The following PTK2B variants were observed in gnomAD, a reference collection of about 807,000 sequenced individuals.
The protein encoded by PTK2B is protein-tyrosine kinase 2-beta.
Under a neutral mutation model 142.9 loss-of-function variants are expected in PTK2B, and 71 were observed. That is an observed-to-expected ratio of 0.50 (90% CI 0.41 to 0.61). PTK2B has a LOEUF of 0.61. Ranked by LOEUF, PTK2B falls within the 20% of genes least tolerant of loss-of-function variation. The pLI is 0.00. For synonymous variants in PTK2B, 519 were observed against 503.4 expected, an observed-to-expected ratio of 1.03 and a Z score of -0.42; for missense variants, 1,105 against 1,320.4, an observed-to-expected ratio of 0.84 and a Z score of 2.53.
intron 1 of PTK2B, among the ~76,000 whole-genome samples, chr8:27,367,094 C>A (rs947417245): frequency 2.0e-5 from 3 of 152,136 alleles, no homozygotes; most frequent in African/African-American, 7.2e-5. Flanking sequence ...CAGAAATAGC[C>A]AAATAGGACA....
chr8:27,455,389 C>G (rs528422697), intron 30 of PTK2B, among the ~76,000 whole-genome samples: 17 of 152,210 alleles, frequency 1.1e-4, no homozygotes, highest in African/African-American at 3.9e-4. Context: ...CATGGCAAAA[C>G]CATACAAAAA....
At chr8:27,387,225 A>G (rs1016226004) in intron 1 of PTK2B, among the ~76,000 whole-genome samples, 1 of 152,114 alleles carries the variant, frequency 6.6e-6, no homozygotes, top group African/African-American at 2.4e-5. Context: ...CTCTGGTCTT[A>G]TCTCTGCCAC....
upstream of PTK2B, chr8:27,311,170 G>C (rs756434461): frequency 3.1e-6 from 5 of 1,607,126 alleles, no homozygotes; most frequent in African/African-American, 4.0e-5. Flanking sequence ...CGTAGCAGAC[G>C]GCGCAGAGCA....
chr8:27,416,480 A>C (rs1027433417), intron 2 of PTK2B, among the ~76,000 whole-genome samples: 1 of 152,184 alleles, frequency 6.6e-6, no homozygotes, highest in Admixed American at 6.5e-5. Flanking sequence ...TGAATACCAT[A>C]TACAAAAATT....
chr8:27,310,628 T>C (rs1050838193), upstream of PTK2B, among the ~76,000 whole-genome samples: 2 of 152,208 alleles, frequency 1.3e-5, no homozygotes, highest in Non-Finnish European at 2.9e-5. Context: ...TGGGCCGACC[T>C]TGAAGAAGCA....
At chr8:27,387,466 C>G (rs1236740822) in intron 1 of PTK2B, among the ~76,000 whole-genome samples, 1 of 152,198 alleles carries the variant, frequency 6.6e-6, no homozygotes, top group Non-Finnish European at 1.5e-5. Flanking sequence ...ACGGGACAGT[C>G]CTACAACCGT....
At chr8:27,353,304 C>T (rs1805205171) in intron 1 of PTK2B, among the ~76,000 whole-genome samples, 1 of 152,116 alleles carries the variant, frequency 6.6e-6, no homozygotes, top group South Asian at 2.1e-4. Context: ...TGGGGAGATA[C>T]CACATCAGGC....
chr8:27,371,207 T>C (rs900312631), intron 1 of PTK2B, among the ~76,000 whole-genome samples: 3 of 152,190 alleles, frequency 2.0e-5, no homozygotes, highest in Non-Finnish European at 1.5e-5. Context: ...AGTTAGTCTT[T>C]ATAAGCCCCA....
chr8:27,362,587 C>T (rs1476194694), intron 1 of PTK2B, among the ~76,000 whole-genome samples: 1 of 151,186 alleles, frequency 6.6e-6, no homozygotes, highest in African/African-American at 2.4e-5. Flanking sequence ...CAAAGCAACA[C>T]CCCACCCCCA....
chr8:27,451,351 C>A, intron 26 of PTK2B, 134 bp from the exon 27 acceptor site: 1 of 1,438,884 alleles, frequency 6.9e-7, no homozygotes, highest in Non-Finnish European at 9.3e-7. Context: ...CGAGCTGCTC[C>A]CAGAAGCACC....
At chr8:27,320,314 C>G (rs2130616802) in intron 3 of PTK2B, among the ~76,000 whole-genome samples, 1 of 152,248 alleles carries the variant, frequency 6.6e-6, no homozygotes, top group Non-Finnish European at 1.5e-5. Context: ...AAGGAAAAGT[C>G]CCACAACACT....
intron 2 of PTK2B, among the ~76,000 whole-genome samples, chr8:27,404,192 C>A (rs1385555702): frequency 6.6e-6 from 1 of 152,162 alleles, no homozygotes; most frequent in Admixed American, 6.5e-5. Context: ...GGCACACTGA[C>A]CGGCTGACTC....
In PTK2B at chr8:27,454,214, G is replaced by A. The variant is rs1423332845; in HGVS notation, c.2656G>A (p.Glu886Lys). Residue 886 changes from glutamate to lysine, a missense_variant, in exon 29 of 31, where the codon GAG (glutamate) becomes AAG (lysine). Coordinates refer to ENST00000346049, the MANE Select transcript of PTK2B (RefSeq NM_173176.3). ...TGACCTGGTGTACCTCAATGTCATGGAGCTGGTGCGGGCCGTGCTGGAGCT... is the reference window on the plus strand; with the variant it reads ...TGACCTGGTGTACCTCAATGTCATGAAGCTGGTGCGGGCCGTGCTGGAGCT... ...TDDLVYLNVMELVRAVLELKN... is the reference protein window; with the variant it reads ...TDDLVYLNVMKLVRAVLELKN... 2.5e-6 allele frequency: 4 copies of A among 1,614,172 alleles called. No homozygotes were observed. The highest frequency in any genetic ancestry group is 2.5e-6 in the Non-Finnish European group (3 of 1,180,038).
At chr8:27,322,703 G>T (rs569480678), upstream of PTK2B, 20 of 152,286 alleles carry the variant, frequency 1.3e-4, no homozygotes, top group African/African-American at 4.3e-4. Context: ...GGATTCGCAT[G>T]TCCAAAGTCA....
intron 1 of PTK2B, among the ~76,000 whole-genome samples, chr8:27,356,392 A>G (rs557153990): frequency 6.6e-6 from 1 of 152,372 alleles, no homozygotes; most frequent in Admixed American, 6.5e-5. Context: ...CAACACAGAG[A>G]CTTCACAGAA....
At chr8:27,383,419 T>C (rs1369909320) in intron 1 of PTK2B, among the ~76,000 whole-genome samples, 1 of 152,024 alleles carries the variant, frequency 6.6e-6, no homozygotes, top group Non-Finnish European at 1.5e-5. Flanking sequence ...ATAATTTTTG[T>C]ATTTTTAGTA....
intron 3 of PTK2B, among the ~76,000 whole-genome samples, chr8:27,317,802 T>G (rs74324878): frequency 0.013 from 2,017 of 152,302 alleles, 48 homozygotes; most frequent in African/African-American, 0.046. Flanking sequence ...GACCTCTTGT[T>G]TAGATCATCC....
At chr8:27,413,845 G>A (rs962062659) in intron 2 of PTK2B, among the ~76,000 whole-genome samples, 1 of 152,170 alleles carries the variant, frequency 6.6e-6, no homozygotes, top group African/African-American at 2.4e-5. Context: ...GTTGCCAAAT[G>A]GTGACTTTCT....
At chr8:27,432,383 G>A (rs370642375) in intron 10 of PTK2B, 22 bp downstream of exon 10, 50 of 1,605,012 alleles carry the variant, frequency 3.1e-5, no homozygotes, top group African/African-American at 6.7e-5. Flanking sequence ...TGGGCACTGG[G>A]CACCTGGCAG....
Sources: gnomAD v4.1 joint callset for allele counts (sites outside exome capture counted in the v4.1 genomes callset) on GRCh38, gnomAD v4.1.1 for gene constraint, MANE v1.5 for transcripts, NCBI Gene and HGNC (gene_info 2026-07-23, HGNC 2026-07-21) for gene names.